NBEA: variants seen among roughly 807,000 people sequenced by gnomAD.
The protein encoded by NBEA is lysosomal-trafficking regulator 2.
In NBEA, 44 loss-of-function variants were observed where a neutral mutation model predicts 343.4. The observed-to-expected ratio is 0.13, with a 90% CI of 0.10 to 0.16. The LOEUF is 0.16. Ranked by LOEUF, NBEA falls within the 10% of genes least tolerant of loss-of-function variation. The pLI, the probability that NBEA is intolerant of heterozygous loss-of-function variation, is 1.00. For missense variants in NBEA, 2,555 were observed against 3,631.3 expected (o/e 0.70, Z 7.62); for synonymous variants, 1,175 against 1,238.7 (o/e 0.95, Z 1.08).
intron 14 of NBEA, among the ~76,000 whole-genome samples, chr13:35,117,896 T>C (rs1165918536): frequency 1.3e-5 from 2 of 152,030 alleles, no homozygotes; most frequent in African/African-American, 4.8e-5. Flanking sequence ...CAAAAATTGA[T>C]ACTGTATAGT....
At chr13:35,653,828 T>A (rs2153081098) in intron 53 of NBEA, among the ~76,000 whole-genome samples, 1 of 152,352 alleles carries the variant, frequency 6.6e-6, no homozygotes, top group South Asian at 2.1e-4. Context: ...CAATGAAATA[T>A]ACAGCTAGTG....
At position 35,127,271 on chromosome 13, in the gene NBEA, A is replaced by T. The variant is rs9600142; in HGVS notation, c.2336+3697A>T. ...TGGGAGCCAAACTATCCTTTAAGTA[A>T]AAAGGATGCTGTCAAATATTTTTTA... On this transcript the variant is annotated intron_variant, in intron 17 of 58. Transcript: ENST00000379939. Among the ~76,000 whole-genome samples, 1,481 of 152,310 alleles carry T rather than the reference A, an allele frequency of 9.7e-3. 20 individuals are homozygous for T. The highest frequency in any genetic ancestry group is 0.034 in the African/African-American group (1,424 of 41,566).
chr13:35,584,335 T>C (rs185210738), intron 46 of NBEA, among the ~76,000 whole-genome samples: 1 of 148,090 alleles, frequency 6.8e-6, no homozygotes, highest in Non-Finnish European at 1.5e-5. Flanking sequence ...TTTTTTTCAG[T>C]GAGAGGGTCT....
chr13:35,472,261 GA>G, intron 40 of NBEA, 138 bp from the exon 41 acceptor site: 2 of 827,938 alleles, frequency 2.4e-6, no homozygotes, highest in Non-Finnish European at 1.8e-6. Flanking sequence ...TATCTTACGT[GA>G]AAAAAGAGTT....
At chr13:35,067,699 T>TTA (rs2063706687) in intron 8 of NBEA, among the ~76,000 whole-genome samples, 1 of 152,092 alleles carries the variant, frequency 6.6e-6, no homozygotes, top group South Asian at 2.1e-4. Flanking sequence ...ACATTGATAT[T>TTA]TATATAAAGG....
At chr13:35,109,498 G>A in intron 12 of NBEA, 56 bp downstream of exon 12, 1 of 1,426,496 alleles carries the variant, frequency 7.0e-7, no homozygotes, top group Non-Finnish European at 9.3e-7. Context: ...CATTATAGTT[G>A]CTGGATCTAT....
intron 38 of NBEA, among the ~76,000 whole-genome samples, chr13:35,367,144 T>C (rs2041165557): frequency 6.6e-6 from 1 of 151,294 alleles, no homozygotes; most frequent in African/African-American, 2.4e-5. Flanking sequence ...AAGATTATTA[T>C]AGAATTATTA....
At chr13:35,620,204 T>C (rs17052534) in intron 48 of NBEA, among the ~76,000 whole-genome samples, 5,158 of 152,200 alleles carry the variant, frequency 0.034, 318 homozygotes, top group African/African-American at 0.12. Flanking sequence ...AGACAGGCGA[T>C]AGACAATTTT....
intron 26 of NBEA, among the ~76,000 whole-genome samples, chr13:35,173,247 A>G (rs968360354): frequency 7.2e-5 from 11 of 152,070 alleles, no homozygotes; most frequent in Non-Finnish European, 4.4e-5. Flanking sequence ...CTGGTGGTAT[A>G]TGGGTATTTT....
chr13:35,192,423 A>G (rs1441864418), intron 30 of NBEA, among the ~76,000 whole-genome samples: 2 of 151,938 alleles, frequency 1.3e-5, no homozygotes, highest in African/African-American at 2.4e-5. Flanking sequence ...TTTTATTTCT[A>G]TGTAATATCA....
chr13:35,420,280 G>C (rs1284020740), intron 38 of NBEA, among the ~76,000 whole-genome samples: 2 of 151,992 alleles, frequency 1.3e-5, no homozygotes, highest in African/African-American at 4.8e-5. Flanking sequence ...CTTTTATCGA[G>C]TTGAAGAAAT....
At chr13:34,991,919 G>GGGTGT (rs1318205132) in intron 1 of NBEA, among the ~76,000 whole-genome samples, 1 of 149,222 alleles carries the variant, frequency 6.7e-6, no homozygotes, top group African/African-American at 2.4e-5. Context: ...GATATATTTT[G>GGGTGT]GGTGTAGGAA....
rs1388757242 is a variant in NBEA at position 35,196,336 on chromosome 13, T to C, written c.5366+34T>C. ...TGAACTTATTATTCACAGGGCTTTA[T>C]ACATAAAAGGAAAATTAGACTTTGT... On this transcript the variant is annotated intron_variant, in intron 31 of 58. Coordinates refer to ENST00000379939, the MANE Select transcript of NBEA (RefSeq NM_001385012.1). The C allele has an allele frequency of 1.2e-5, 19 of 1,529,632 alleles. No homozygotes were observed. The East Asian group carries it at 4.3e-4, about 35-fold the overall frequency. The allele number at this position is 1,529,632 out of a possible 1,614,324, so 94.8% of individuals were successfully genotyped here.
intron 38 of NBEA, among the ~76,000 whole-genome samples, chr13:35,381,734 C>A (rs1041718430): frequency 7.9e-5 from 12 of 151,956 alleles, no homozygotes; most frequent in Non-Finnish European, 1.5e-4. Context: ...GGAAATATAT[C>A]TTGAGAGGTC....
At chr13:35,323,980 A>G (rs377089616) in intron 36 of NBEA, among the ~76,000 whole-genome samples, 42 of 152,202 alleles carry the variant, frequency 2.8e-4, no homozygotes, top group Middle Eastern at 3.2e-3. Context: ...CAAGATGTAC[A>G]TAATCTGTGC....
chr13:35,263,253 G>T (rs2033370373), intron 34 of NBEA, among the ~76,000 whole-genome samples: 1 of 151,256 alleles, frequency 6.6e-6, no homozygotes, highest in African/African-American at 2.4e-5. Context: ...GGGAAAAGTG[G>T]ATATCCACAT....
At chr13:35,481,813 A>AT (rs1328834001) in intron 41 of NBEA, among the ~76,000 whole-genome samples, 1 of 151,846 alleles carries the variant, frequency 6.6e-6, no homozygotes, top group Admixed American at 6.6e-5. Flanking sequence ...TGTATGTATG[A>AT]TTTTACATAC....
At chr13:35,558,489 G>A (rs2079691434) in intron 44 of NBEA, among the ~76,000 whole-genome samples, 3 of 152,130 alleles carry the variant, frequency 2.0e-5, no homozygotes, top group African/African-American at 7.2e-5. Flanking sequence ...TGAAGATTTT[G>A]GATGAGCATA....
intron 30 of NBEA, chr13:35,185,175 A>G (rs2071606133): frequency 6.6e-6 from 1 of 152,162 alleles, no homozygotes; most frequent in East Asian, 1.9e-4. Context: ...GACCTGAGAA[A>G]ACCACATAGC....
Sources: gnomAD v4.1 joint callset for allele counts (sites outside exome capture counted in the v4.1 genomes callset) on GRCh38, gnomAD v4.1.1 for gene constraint, MANE v1.5 for transcripts, NCBI Gene and HGNC (gene_info 2026-07-23, HGNC 2026-07-21) for gene names.